The following LOC128125818 variants were observed in gnomAD, a reference collection of about 807,000 sequenced individuals.
chr4:6,065,105 T>C, the LOC128125818 span: 8 of 1,483,686 alleles, frequency 5.4e-6, no homozygotes, highest in Middle Eastern at 1.7e-4. This position sits in a 1 kb window ranked among gnomAD's most constrained non-coding sequence, Gnocchi z 5.1. Context: ...GGGGTGATGA[T>C]TGACATTTGG....
At chr4:6,069,818 T>C in the LOC128125818 span, among the ~76,000 whole-genome samples, 3 of 151,996 alleles carry the variant, frequency 2.0e-5, no homozygotes, top group Admixed American at 6.5e-5. This position sits in a 1 kb window ranked among gnomAD's most constrained non-coding sequence, Gnocchi z 4.5. Context: ...CTCCTCCATT[T>C]ACACTTTGCA....
the LOC128125818 span, chr4:6,070,046 C>G: frequency 5.0e-6 from 2 of 398,798 alleles, no homozygotes; most frequent in Non-Finnish European, 8.8e-6. Flanking sequence ...AACCCCGAAC[C>G]AGCTGCCTAC....
chr4:6,066,892 G>A, the LOC128125818 span, among the ~76,000 whole-genome samples: 9 of 151,500 alleles, frequency 5.9e-5, no homozygotes, highest in South Asian at 2.1e-4. Context: ...CTCCTCCTCC[G>A]CTCCAGGCTT....
the LOC128125818 span, chr4:6,069,997 G>A: frequency 3.0e-5 from 12 of 397,998 alleles, no homozygotes; most frequent in East Asian, 3.2e-4. The surrounding 1 kb of genome is among the most constrained non-coding windows in gnomAD (Gnocchi z 4.5). Context: ...AGCATCGGTC[G>A]GCCACAGCCA....
chr4:6,066,492 CCA>C, the LOC128125818 span, among the ~76,000 whole-genome samples: 1 of 152,154 alleles, frequency 6.6e-6, no homozygotes, highest in African/African-American at 2.4e-5. Flanking sequence ...CCCCCGAACT[CCA>C]GACTCATACG....
chr4:6,070,039 C>G, the LOC128125818 span: 3 of 398,574 alleles, frequency 7.5e-6, no homozygotes, highest in African/African-American at 6.2e-5. Context: ...AACGCAAAAC[C>G]CCGAACCAGC....
At chr4:6,068,199 T>G in the LOC128125818 span, among the ~76,000 whole-genome samples, 2 of 152,164 alleles carry the variant, frequency 1.3e-5, no homozygotes, top group African/African-American at 4.8e-5. Flanking sequence ...GGACTGCTAG[T>G]TAAGGACTCA....
the LOC128125818 span, among the ~76,000 whole-genome samples, chr4:6,067,885 G>A: frequency 6.6e-6 from 1 of 152,008 alleles, no homozygotes; most frequent in African/African-American, 2.4e-5. This position sits in a 1 kb window ranked among gnomAD's most constrained non-coding sequence, Gnocchi z 4.6. Flanking sequence ...ACATTTTTCT[G>A]AACAGCCACT....
At chr4:6,066,151 C>T in the LOC128125818 span, among the ~76,000 whole-genome samples, 1 of 152,148 alleles carries the variant, frequency 6.6e-6, no homozygotes, top group Non-Finnish European at 1.5e-5. Flanking sequence ...CCCAGAGCTC[C>T]CCCAACCCAC....
At chr4:6,065,138 C>T in the LOC128125818 span, 10 of 1,155,984 alleles carry the variant, frequency 8.7e-6, no homozygotes, top group Admixed American at 5.2e-5. The surrounding 1 kb of genome is among the most constrained non-coding windows in gnomAD (Gnocchi z 5.1). Context: ...TCACAAGATG[C>T]GGTTGGTGGG....
At chr4:6,069,055 A>G in the LOC128125818 span, among the ~76,000 whole-genome samples, 4 of 152,216 alleles carry the variant, frequency 2.6e-5, no homozygotes, top group African/African-American at 4.8e-5. This position sits in a 1 kb window ranked among gnomAD's most constrained non-coding sequence, Gnocchi z 4.5. Context: ...CAATATATTA[A>G]TGTTTAAAGT....
At chr4:6,069,407 G>A in the LOC128125818 span, among the ~76,000 whole-genome samples, 1 of 152,282 alleles carries the variant, frequency 6.6e-6, no homozygotes, top group African/African-American at 2.4e-5. The surrounding 1 kb of genome is among the most constrained non-coding windows in gnomAD (Gnocchi z 4.5). Context: ...TGCAACCAAA[G>A]CCTCTCCTTG....
the LOC128125818 span, among the ~76,000 whole-genome samples, chr4:6,066,924 C>CA: frequency 6.6e-6 from 1 of 151,870 alleles, no homozygotes; most frequent in African/African-American, 2.4e-5. Flanking sequence ...ACACACCTGC[C>CA]ATGGGGCCTT....
chr4:6,069,877 AGAG>A, the LOC128125818 span, among the ~76,000 whole-genome samples: 79 of 152,318 alleles, frequency 5.2e-4, no homozygotes, highest in African/African-American at 1.9e-3. The surrounding 1 kb of genome is among the most constrained non-coding windows in gnomAD (Gnocchi z 4.5). Flanking sequence ...AGAGGGAAAA[AGAG>A]GAGGTACCCC....
the LOC128125818 span, among the ~76,000 whole-genome samples, chr4:6,069,890 C>A: frequency 6.6e-6 from 1 of 151,892 alleles, no homozygotes; most frequent in African/African-American, 2.4e-5. This position sits in a 1 kb window ranked among gnomAD's most constrained non-coding sequence, Gnocchi z 4.5. Flanking sequence ...GGAGGTACCC[C>A]CAAAACAAAT....
chr4:6,065,112 T>G, the LOC128125818 span: 9 of 1,401,954 alleles, frequency 6.4e-6, no homozygotes, highest in Non-Finnish European at 8.0e-6. This position sits in a 1 kb window ranked among gnomAD's most constrained non-coding sequence, Gnocchi z 5.1. Context: ...TGATTGACAT[T>G]TGGGCCACTG....
the LOC128125818 span, among the ~76,000 whole-genome samples, chr4:6,067,170 C>G: frequency 1.4e-3 from 214 of 152,320 alleles, 1 homozygote; most frequent in South Asian, 0.019. This position sits in a 1 kb window ranked among gnomAD's most constrained non-coding sequence, Gnocchi z 4.6. Context: ...CTTCCCCCTA[C>G]CCCTTGAAAT....
At chr4:6,067,070 C>G in the LOC128125818 span, among the ~76,000 whole-genome samples, 7 of 152,174 alleles carry the variant, frequency 4.6e-5, no homozygotes, top group African/African-American at 1.7e-4. The surrounding 1 kb of genome is among the most constrained non-coding windows in gnomAD (Gnocchi z 4.6). Flanking sequence ...CACCCCCGCC[C>G]CAGCCTCTGG....
chr4:6,067,403 C>T, the LOC128125818 span, among the ~76,000 whole-genome samples: 1 of 152,180 alleles, frequency 6.6e-6, no homozygotes, highest in Non-Finnish European at 1.5e-5. This position sits in a 1 kb window ranked among gnomAD's most constrained non-coding sequence, Gnocchi z 4.6. Flanking sequence ...GCACCATCAA[C>T]TTCAATGTCA....
Sources: gnomAD v4.1 joint callset for allele counts (sites outside exome capture counted in the v4.1 genomes callset) on GRCh38, gnomAD v4.1.1 for gene constraint, Gnocchi (gnomAD v3.1) non-coding constraint, MANE v1.5 for transcripts.